DACH1: variants seen among roughly 807,000 people sequenced by gnomAD.
DACH1 encodes the protein dachshund homolog 1.
DACH1 carries 12 observed loss-of-function variants against 54.2 expected under a neutral mutation model. The observed-to-expected ratio is 0.22, with a 90% CI of 0.14 to 0.36. The LOEUF (loss-of-function observed/expected upper bound fraction) is 0.36, where lower values mean the gene tolerates loss of function less well. DACH1 is among the 10% of genes least tolerant of loss of function. The pLI is 1.00. For missense variants in DACH1, 805 were observed against 929.8 expected (o/e 0.87, Z 1.75); for synonymous variants, 386 against 366.2 (o/e 1.05, Z -0.62).
At chr13:71,621,747 T>G (rs1417989422) in intron 3 of DACH1, among the ~76,000 whole-genome samples, 1 of 152,080 alleles carries the variant, frequency 6.6e-6, no homozygotes, top group East Asian at 1.9e-4. Context: ...AGGCATGGTC[T>G]GCGAGGCACT....
chr13:71,503,875 A>T (rs1317912817), intron 6 of DACH1, among the ~76,000 whole-genome samples: 1 of 152,208 alleles, frequency 6.6e-6, no homozygotes, highest in African/African-American at 2.4e-5. Flanking sequence ...GTTTTATAAC[A>T]TAGCCATATA....
At chr13:71,524,270 T>C (rs1881803391) in intron 6 of DACH1, among the ~76,000 whole-genome samples, 1 of 152,132 alleles carries the variant, frequency 6.6e-6, no homozygotes, top group Admixed American at 6.6e-5. Flanking sequence ...GCAAATAATG[T>C]CCTGAAGCAT....
At chr13:71,714,781 A>G (rs1882892571) in intron 1 of DACH1, among the ~76,000 whole-genome samples, 1 of 152,124 alleles carries the variant, frequency 6.6e-6, no homozygotes, top group South Asian at 2.1e-4. Flanking sequence ...TAGGGCACCA[A>G]TAAGAGAGAT....
chr13:71,542,759 T>C (rs1013908325), intron 6 of DACH1, among the ~76,000 whole-genome samples: 2 of 152,136 alleles, frequency 1.3e-5, no homozygotes, highest in Non-Finnish European at 1.5e-5. Flanking sequence ...CTTCAAAGTT[T>C]CTCACTGTAC....
chr13:71,581,462 T>C (rs2138434725), intron 3 of DACH1, among the ~76,000 whole-genome samples: 1 of 152,192 alleles, frequency 6.6e-6, no homozygotes, highest in South Asian at 2.1e-4. Context: ...GCTTTCACAA[T>C]GCCAGGCTGG....
intron 1 of DACH1, among the ~76,000 whole-genome samples, chr13:71,799,322 A>G (rs1887192749): frequency 1.3e-5 from 2 of 152,164 alleles, no homozygotes; most frequent in African/African-American, 4.8e-5. Context: ...CAAGTTGAAA[A>G]TAAAAACAAA....
At chr13:71,753,713 GA>G (rs1885020197) in intron 1 of DACH1, among the ~76,000 whole-genome samples, 1 of 152,118 alleles carries the variant, frequency 6.6e-6, no homozygotes, top group Admixed American at 6.5e-5. Flanking sequence ...TTGAGTGTGT[GA>G]AATATAATCA....
chr13:71,800,855 T>TTGAAAAAAAATCTCTGCAACAA (rs1887262535), intron 1 of DACH1, among the ~76,000 whole-genome samples: 2 of 139,644 alleles, frequency 1.4e-5, no homozygotes, highest in African/African-American at 5.5e-5. Flanking sequence ...GAAAGTCCCT[T>TTGAAAAAAAATCTCTGCAACAA]TGAAAAAAAA....
intron 1 of DACH1, among the ~76,000 whole-genome samples, chr13:71,798,334 A>G (rs1420592351): frequency 1.1e-5 from 1 of 92,866 alleles, no homozygotes; most frequent in Non-Finnish European, 1.9e-5. Flanking sequence ...ATATATATAT[A>G]TATATATATA....
At chr13:71,791,810 A>C (rs1217271275) in intron 1 of DACH1, among the ~76,000 whole-genome samples, 1 of 152,224 alleles carries the variant, frequency 6.6e-6, no homozygotes, top group Non-Finnish European at 1.5e-5. Context: ...GCCCAACTAC[A>C]ACTTGTTTAA....
intron 7 of DACH1, among the ~76,000 whole-genome samples, chr13:71,484,517 C>G (rs570292953): frequency 6.6e-6 from 1 of 152,092 alleles, no homozygotes; most frequent in Non-Finnish European, 1.5e-5. Context: ...TTCTTGTTTG[C>G]TTAATTCTTC....
intron 2 of DACH1, among the ~76,000 whole-genome samples, chr13:71,661,310 T>A (rs1251114799): frequency 6.6e-6 from 1 of 151,624 alleles, no homozygotes; most frequent in African/African-American, 2.4e-5. Flanking sequence ...TTTTATTAGG[T>A]AAAATATAAG....
At chr13:71,658,956 T>C (rs1236722531) in intron 2 of DACH1, among the ~76,000 whole-genome samples, 1 of 152,176 alleles carries the variant, frequency 6.6e-6, no homozygotes, top group Non-Finnish European at 1.5e-5. Context: ...AAAATCTGAA[T>C]ATTAGCCCAA....
intron 2 of DACH1, chr13:71,675,410 A>C (rs985069518): frequency 1.2e-4 from 176 of 1,457,204 alleles, no homozygotes; most frequent in Non-Finnish European, 1.6e-4. Context: ...ATCCATGCCA[A>C]ACGTGTAACA....
At chr13:71,671,796 A>G (rs181223230) in intron 2 of DACH1, among the ~76,000 whole-genome samples, 8 of 152,142 alleles carry the variant, frequency 5.3e-5, no homozygotes, top group Non-Finnish European at 1.0e-4. Context: ...TTCTGTCAGA[A>G]GGAAAATTTG....
rs1344488366 is a variant in DACH1 at position 71,705,164 on chromosome 13, A to C, written c.849-23254T>G. On this transcript the variant is annotated intron_variant, in intron 1 of 10. Coordinates refer to ENST00000613252, the MANE Select transcript of DACH1 (RefSeq NM_080759.6). Reference sequence around the variant, plus strand: ...ATATAAGGTGTAGGACAGGACCAAAAATTATCAAACAGCTAAGTACAGAGT... The same window carrying C: ...ATATAAGGTGTAGGACAGGACCAAACATTATCAAACAGCTAAGTACAGAGT... 2.0e-5 allele frequency among the ~76,000 whole-genome samples: 3 copies of C among 152,186 alleles called. No homozygotes were observed. In the South Asian group the frequency reaches 6.2e-4, roughly 32 times the overall value.
intron 2 of DACH1, among the ~76,000 whole-genome samples, chr13:71,665,854 A>G (rs1468248387): frequency 3.9e-5 from 6 of 152,068 alleles, no homozygotes; most frequent in African/African-American, 1.4e-4. Flanking sequence ...TCAATCCCCA[A>G]TTGGGCCCTT....
intron 4 of DACH1, among the ~76,000 whole-genome samples, chr13:71,561,446 T>C (rs9599857): frequency 0.021 from 3,254 of 152,222 alleles, 36 homozygotes; most frequent in Middle Eastern, 0.065. Context: ...GAGGGAAGAA[T>C]GTCATGTGAC....
At chr13:71,711,973 G>A (rs1302367839) in intron 1 of DACH1, among the ~76,000 whole-genome samples, 1 of 152,024 alleles carries the variant, frequency 6.6e-6, no homozygotes, top group Non-Finnish European at 1.5e-5. Context: ...AACAGCAAAG[G>A]ATCAATAAAC....
Sources: allele counts gnomAD v4.1 joint callset (sites outside exome capture counted in the v4.1 genomes callset), GRCh38; gene constraint gnomAD v4.1.1; transcripts MANE v1.5; gene names NCBI Gene and HGNC (gene_info 2026-07-23, HGNC 2026-07-21).